KANK4: variants seen among roughly 807,000 people sequenced by gnomAD.
KANK4 encodes KN motif and ankyrin repeat domain-containing protein 4.
In KANK4, 50 loss-of-function variants were observed where a neutral mutation model predicts 80.8. The observed-to-expected ratio is 0.62, with a 90% confidence interval of 0.49 to 0.78. The LOEUF is 0.78. Among genes scored for constraint, KANK4 ranks in the 30% least tolerant of loss-of-function variants. The probability of loss-of-function intolerance (pLI) is 0.00; values close to 1 mark genes in which losing one functional copy is unlikely to be tolerated. For missense variants in KANK4, 1,196 were observed against 1,240.1 expected, an observed-to-expected ratio of 0.96 and a Z score of 0.53; for synonymous variants, 465 against 506.9, an observed-to-expected ratio of 0.92 and a Z score of 1.11.
intron 1 of KANK4, among the ~76,000 whole-genome samples, chr1:62,306,896 C>T (rs1287590010): frequency 6.6e-6 from 1 of 152,094 alleles, no homozygotes; most frequent in African/African-American, 2.4e-5. Flanking sequence ...AGCAATTAAA[C>T]ACACAAACAC....
Position 62,253,150 on chromosome 1 carries a change from A to G in KANK4, c.2599T>C (p.Leu867=). ...AGYTAVMITP[L]ASAETNEDMA... ...TCTTCATTGGTCTCTGCGGAAGCCAAGGGAGTGATCATTACGGCAGTGTAG... is the reference window on the plus strand; with the variant it reads ...TCTTCATTGGTCTCTGCGGAAGCCAGGGGAGTGATCATTACGGCAGTGTAG... The change falls in exon 8 of 10, where the codon TTG becomes CTG. Residue 867 remains leucine, a synonymous_variant. Coordinates refer to ENST00000371153, the MANE Select transcript of KANK4 (RefSeq NM_181712.5). 1 of 1,613,804 alleles carries G rather than the reference A, an allele frequency of 6.2e-7. No homozygotes were observed. The highest frequency in any genetic ancestry group is 8.5e-7 in the Non-Finnish European group (1 of 1,179,952).
chr1:62,254,853 G>A (rs1570973789), intron 7 of KANK4, among the ~76,000 whole-genome samples: 1 of 145,630 alleles, frequency 6.9e-6, no homozygotes. Context: ...TTACAGGCAT[G>A]AGCCACTGTG....
intron 3 of KANK4, chr1:62,271,879 G>T (rs1672171899): frequency 2.9e-6 from 1 of 340,070 alleles, no homozygotes; most frequent in Admixed American, 3.8e-5. Flanking sequence ...GAAATCTGAG[G>T]CCCAGACTTG....
intron 1 of KANK4, among the ~76,000 whole-genome samples, chr1:62,305,787 A>G (rs12095173): frequency 0.37 from 56,879 of 151,880 alleles, 11,700 homozygotes; most frequent in East Asian, 0.64. Context: ...TTCTCCTGAC[A>G]CTGCATTGCG....
rs756483245 is a variant in KANK4, at chr1:62,268,413, G to C, written c.2105C>G (p.Pro702Arg). ...GGCATCTTTGACATGCTTGTGATCT[G>C]GGCCGTCACACTTCTTCTCTGCCTC... The part of the protein sequence containing the change: ...DSEAEKKCDG[P>R]DHKHVKDAHL... Residue 702 changes from proline to arginine, a missense_variant, in exon 5 of 10, where the codon CCA (proline) becomes CGA (arginine). Physicochemically the swap from Pro to Arg is moderately radical, Grantham distance 103. Transcript: ENST00000371153. 5 of 1,613,826 alleles carry C rather than the reference G, an allele frequency of 3.1e-6. No individual in the cohort carries two copies. In the East Asian group the frequency reaches 1.1e-4, roughly 36 times the overall value.
intron 1 of KANK4, chr1:62,298,206 A>G (rs1471208902): frequency 6.6e-6 from 1 of 152,184 alleles, no homozygotes; most frequent in Non-Finnish European, 1.5e-5. Context: ...GGCCATGCTG[A>G]TCGTCTCTGT....
intron 1 of KANK4, among the ~76,000 whole-genome samples, chr1:62,287,594 G>A (rs1451952136): frequency 6.6e-6 from 1 of 152,182 alleles, no homozygotes; most frequent in African/African-American, 2.4e-5. Flanking sequence ...GCCAGACCAG[G>A]GATGAATCTC....
chr1:62,292,620 C>G (rs1418868670), intron 1 of KANK4, among the ~76,000 whole-genome samples: 1 of 152,162 alleles, frequency 6.6e-6, no homozygotes, highest in African/African-American at 2.4e-5. Flanking sequence ...CAATTTGTAA[C>G]TATAAAAGCC....
chr1:62,276,832 T>C (rs1190742092), intron 2 of KANK4, among the ~76,000 whole-genome samples: 1 of 151,210 alleles, frequency 6.6e-6, no homozygotes, highest in Non-Finnish European at 1.5e-5. Context: ...TTTTGGACAA[T>C]GCCTCACACA....
intron 1 of KANK4, among the ~76,000 whole-genome samples, chr1:62,297,514 T>C (rs1003629899): frequency 6.6e-6 from 1 of 152,222 alleles, no homozygotes; most frequent in African/African-American, 2.4e-5. Flanking sequence ...TTGGGTCCTA[T>C]TTCTGTAGCC....
At chr1:62,253,015 C>G in intron 8 of KANK4, 52 bp downstream of exon 8, 17 of 1,594,244 alleles carry the variant, frequency 1.1e-5, no homozygotes, top group Non-Finnish European at 1.4e-5. Flanking sequence ...CAGAATAAAG[C>G]GGGAGGTGCC....
At chr1:62,284,340 T>C (rs1369061596) in intron 1 of KANK4, among the ~76,000 whole-genome samples, 1 of 152,218 alleles carries the variant, frequency 6.6e-6, no homozygotes, top group Non-Finnish European at 1.5e-5. Flanking sequence ...TTTGCAACTC[T>C]CTGGAGCATT....
chr1:62,279,332 A>G (rs1672400968), intron 2 of KANK4, among the ~76,000 whole-genome samples: 2 of 151,846 alleles, frequency 1.3e-5, no homozygotes, highest in South Asian at 4.2e-4. Flanking sequence ...GGCTTTGATG[A>G]GGGAGTTTGA....
intron 1 of KANK4, among the ~76,000 whole-genome samples, chr1:62,317,920 G>A (rs1332198953): frequency 6.6e-6 from 1 of 152,116 alleles, no homozygotes; most frequent in South Asian, 2.1e-4. Context: ...TCTGATCCCC[G>A]AGCCATTCCC....
At chr1:62,279,386 A>G (rs1441965088) in intron 2 of KANK4, among the ~76,000 whole-genome samples, 2 of 152,140 alleles carry the variant, frequency 1.3e-5, no homozygotes, top group African/African-American at 4.8e-5. Context: ...CTCTGCTCCT[A>G]TTCATTCTAC....
At chr1:62,266,857 T>C in intron 5 of KANK4, 38 bp from the exon 6 acceptor site, 1 of 1,258,888 alleles carries the variant, frequency 7.9e-7, no homozygotes, top group Non-Finnish European at 1.1e-6. Flanking sequence ...ATTTATATAA[T>C]CATTTTCAAG....
intron 2 of KANK4, 108 bp downstream of exon 2, chr1:62,281,441 G>A: frequency 7.6e-7 from 1 of 1,312,060 alleles, no homozygotes; most frequent in South Asian, 1.2e-5. Context: ...CTGTTTGAGG[G>A]ATATCTCCTG....
intron 7 of KANK4, among the ~76,000 whole-genome samples, chr1:62,255,869 CGAACTCTTG>C (rs1671740554): frequency 6.6e-6 from 1 of 152,120 alleles, no homozygotes; most frequent in Non-Finnish European, 1.5e-5. Context: ...AGACTGGTCT[CGAACTCTTG>C]AGCTCAAGCC....
Position 62,271,351 on chromosome 1 carries a change from C to A in KANK4, c.2012+127G>T, listed in dbSNP as rs75968873. 5.2e-4 allele frequency: 370 copies of A among 704,832 alleles called. 1 individual carries two copies. The African/African-American group carries it at 5.9e-3, about 11-fold the overall frequency. The allele number at this position is 704,832 out of a possible 1,614,324, so 43.7% of individuals were successfully genotyped here. A position where few individuals can be genotyped will look rare whatever the true frequency, so the allele number is the denominator to read the frequency against. ...AAACCCGAGATGGAGTTTTAAAGGG[C>A]CATTGAAATTAATTCCCTTGAAGAG... On this transcript the variant is annotated intron_variant, in intron 4 of 9. Coordinates refer to ENST00000371153, the MANE Select transcript of KANK4 (RefSeq NM_181712.5).
Sources: gnomAD v4.1 joint callset for allele counts (sites outside exome capture counted in the v4.1 genomes callset) on GRCh38, gnomAD v4.1.1 for gene constraint, MANE v1.5 for transcripts, NCBI Gene and HGNC (gene_info 2026-07-23, HGNC 2026-07-21) for gene names.